GGA2: variants seen among roughly 807,000 people sequenced by gnomAD.
The protein encoded by GGA2 is golgi associated, gamma adaptin ear containing, ARF binding protein 2.
Under a neutral mutation model 79.5 loss-of-function variants are expected in GGA2, and 48 were observed. That is an observed-to-expected ratio of 0.60 (90% CI 0.48 to 0.77). The LOEUF is 0.77. GGA2 is among the 30% of genes least tolerant of loss of function. GGA2 has a pLI of 0.00. For missense variants in GGA2, 770 were observed against 774.0 expected (o/e 0.99, Z 0.06); for synonymous variants, 317 against 302.0 (o/e 1.05, Z -0.51).
intron 13 of GGA2, among the ~76,000 whole-genome samples, chr16:23,477,967 C>A (rs368710191): frequency 6.6e-6 from 1 of 151,652 alleles, no homozygotes. Context: ...GCCAGGCAGA[C>A]GGATCACCTG....
intron 5 of GGA2, among the ~76,000 whole-genome samples, chr16:23,490,501 G>A (rs890940536): frequency 2.6e-5 from 4 of 152,084 alleles, no homozygotes; most frequent in African/African-American, 7.2e-5. Flanking sequence ...TTGGGAGGCT[G>A]AGGCAGGCGG....
intron 1 of GGA2, chr16:23,501,159 TG>T: frequency 2.3e-6 from 1 of 439,202 alleles, no homozygotes. Flanking sequence ...CAAACACAAC[TG>T]TACTTTCAGA....
At position 23,464,762 on chromosome 16, in the gene GGA2, CTG is replaced by C. The variant is rs1159892666; in HGVS notation, c.*2826_*2827del. ...GGACTCTGGGTTCCATTCTAAGTAA[CTG>C]AGACTGAAGCAACAGTGGAACCTCC... On this transcript the variant is annotated 3_prime_UTR_variant, in exon 17 of 17. Coordinates refer to ENST00000309859, the MANE Select transcript of GGA2 (RefSeq NM_015044.4). 2 of 153,692 alleles carry C rather than the reference CTG, an allele frequency of 1.3e-5. No homozygotes were observed. The highest frequency in any genetic ancestry group is 1.3e-4 in the Admixed American group (2 of 15,680). The allele number at this position is 153,692 out of a possible 1,614,324, so 9.5% of individuals were successfully genotyped here.
At chr16:23,496,581 A>T (rs1228042489) in intron 1 of GGA2, among the ~76,000 whole-genome samples, 1 of 152,096 alleles carries the variant, frequency 6.6e-6, no homozygotes, top group Non-Finnish European at 1.5e-5. Flanking sequence ...CCAGCACTTC[A>T]TGGGGCTGAG....
intron 1 of GGA2, among the ~76,000 whole-genome samples, chr16:23,499,924 CG>C (rs1423158945): frequency 2.0e-5 from 3 of 152,158 alleles, no homozygotes; most frequent in Admixed American, 2.0e-4. Context: ...TCCCGCATCA[CG>C]ATGGGAACAG....
At position 23,510,369 on chromosome 16, in the gene GGA2, A is replaced by C. The variant is rs1965026014; in HGVS notation, c.43T>G (p.Ser15Ala). The C allele has an allele frequency of 3.5e-6, 5 of 1,422,768 alleles. No homozygotes were observed. Among genetic ancestry groups the C allele is most frequent in the African/African-American group, 1.5e-5 (1 of 67,476 alleles). 88.1% of individuals were successfully genotyped at this position (1,422,768 alleles called of 1,614,324 possible). A position where few individuals can be genotyped will look rare whatever the true frequency, so the allele number is the denominator to read the frequency against. The change falls in exon 1 of 17, where the codon TCG (serine) becomes GCG (alanine). Residue 15 changes from serine to alanine, a missense_variant. Ser to Ala is a moderately conservative substitution (Grantham distance 99). Coordinates refer to ENST00000309859, the MANE Select transcript of GGA2 (RefSeq NM_015044.4). ...GCCGGGCCCGGGGGACCCTGGGCCG[A>C]CTCGGTTCCCGCCACAGCCGCCGCC... ...AVAAAVAGTE[S>A]AQGPPGPAAS... is the part of the protein sequence containing the mutation.
At chr16:23,505,853 G>A (rs1049131763) in intron 1 of GGA2, among the ~76,000 whole-genome samples, 7 of 152,196 alleles carry the variant, frequency 4.6e-5, no homozygotes, top group Non-Finnish European at 8.8e-5. Flanking sequence ...GCAAAGCAGA[G>A]AAAATTCAAT....
chr16:23,487,339 G>A (rs866286684), intron 6 of GGA2, among the ~76,000 whole-genome samples: 1 of 152,148 alleles, frequency 6.6e-6, no homozygotes, highest in African/African-American at 2.4e-5. Context: ...GGGGATGTCT[G>A]GCTAAGTCTG....
chr16:23,521,607 C>G (rs992938752), intron 1 of GGA2, among the ~76,000 whole-genome samples: 1 of 152,132 alleles, frequency 6.6e-6, no homozygotes, highest in Admixed American at 6.6e-5. Context: ...CTATGTTGCC[C>G]AGGCTGGTCT....
upstream of GGA2, among the ~76,000 whole-genome samples, chr16:23,513,127 G>C (rs1294660468): frequency 6.6e-6 from 1 of 152,146 alleles, no homozygotes; most frequent in Non-Finnish European, 1.5e-5. Context: ...GCTACAGGGG[G>C]CATGAGCTCT....
upstream of GGA2, among the ~76,000 whole-genome samples, chr16:23,513,051 T>C (rs970138429): frequency 6.6e-6 from 1 of 152,166 alleles, no homozygotes; most frequent in Non-Finnish European, 1.5e-5. Flanking sequence ...ATTCTGAACA[T>C]CTGGCAACAC....
At chr16:23,478,738 G>A (rs1964608963) in intron 12 of GGA2, 145 bp downstream of exon 12, 2 of 754,422 alleles carry the variant, frequency 2.7e-6, no homozygotes, top group East Asian at 2.5e-5. Flanking sequence ...CAGTATGGGT[G>A]AGGAAGAGGC....
At chr16:23,472,166 A>C (rs1172893328) in intron 14 of GGA2, among the ~76,000 whole-genome samples, 2 of 141,296 alleles carry the variant, frequency 1.4e-5, no homozygotes, top group Non-Finnish European at 3.1e-5. Flanking sequence ...GCATCCAAAG[A>C]TGTTCTTTGT....
intron 12 of GGA2, 72 bp downstream of exon 12, chr16:23,478,811 C>T (rs1180496460): frequency 9.4e-7 from 1 of 1,061,598 alleles, no homozygotes; most frequent in Non-Finnish European, 1.5e-6. Context: ...GCTCGCCAGG[C>T]AGTGCTGCCT....
rs1291418634 is a variant in GGA2 at position 23,464,456 on chromosome 16, A to C, written c.*3134T>G. Reference sequence around the variant, plus strand: ...AAAGTCAGGCATCAGGAAGCCATTCAGAATTTTTCACCCTGTCAGATGCTC... The same window carrying C: ...AAAGTCAGGCATCAGGAAGCCATTCCGAATTTTTCACCCTGTCAGATGCTC... On this transcript the variant is annotated 3_prime_UTR_variant, in exon 17 of 17. Transcript: ENST00000309859. 3.3e-5 allele frequency: 5 copies of C among 152,152 alleles called. No homozygotes were observed. The highest frequency in any genetic ancestry group is 1.2e-4 in the African/African-American group (5 of 41,432). The allele number at this position is 152,152 out of a possible 1,614,324, so 9.4% of individuals were successfully genotyped here. A position where few individuals can be genotyped will look rare whatever the true frequency, so the allele number is the denominator to read the frequency against.
chr16:23,509,481 G>C, intron 1 of GGA2, among the ~76,000 whole-genome samples: 1 of 152,062 alleles, frequency 6.6e-6, no homozygotes, highest in East Asian at 1.9e-4. Context: ...CTGCCGGCTT[G>C]TACCCACTAA....
intron 2 of GGA2, among the ~76,000 whole-genome samples, chr16:23,519,069 T>A (rs1203778070): frequency 6.8e-6 from 1 of 147,964 alleles, no homozygotes; most frequent in Non-Finnish European, 1.5e-5. Flanking sequence ...TTTGAGACAG[T>A]CTTGCTCTGT....
chr16:23,487,817 A>G (rs758280565), intron 6 of GGA2, among the ~76,000 whole-genome samples: 2 of 152,154 alleles, frequency 1.3e-5, no homozygotes, highest in Non-Finnish European at 2.9e-5. Flanking sequence ...TCTAGGCCCA[A>G]GGAGTGGGTA....
intron 1 of GGA2, among the ~76,000 whole-genome samples, chr16:23,505,321 C>T (rs62029453): frequency 6.6e-6 from 1 of 152,076 alleles, no homozygotes; most frequent in Admixed American, 6.5e-5. Context: ...AATTCTAGAG[C>T]CCAAGAGGAC....
Sources: allele counts gnomAD v4.1 joint callset (sites outside exome capture counted in the v4.1 genomes callset), GRCh38; gene constraint gnomAD v4.1.1; transcripts MANE v1.5; gene names NCBI Gene and HGNC (gene_info 2026-07-23, HGNC 2026-07-21).